Variants in LAMA2 observed in about 807,000 individuals in gnomAD.
LAMA2 encodes laminin subunit alpha-2.
A neutral mutation model predicts 364.8 loss-of-function variants in LAMA2; 269 were observed. The ratio of observed to expected loss-of-function variants is 0.74; its 90% CI spans 0.67 to 0.82. The LOEUF (loss-of-function observed/expected upper bound fraction) is 0.82. LAMA2 is among the 40% of genes least tolerant of loss of function. LAMA2 has a pLI of 0.00. For missense variants in LAMA2, 3,807 were observed against 3,873.2 expected, an observed-to-expected ratio of 0.98 and a Z score of 0.45; for synonymous variants, 1,379 against 1,370.6, an observed-to-expected ratio of 1.01 and a Z score of -0.14.
intron 34 of LAMA2, among the ~76,000 whole-genome samples, chr6:129,371,482 G>T (rs1778073589): frequency 6.6e-6 from 1 of 151,962 alleles, no homozygotes; most frequent in African/African-American, 2.4e-5. Flanking sequence ...AATACTTTTT[G>T]GGAGTCTCTC....
At position 129,313,053 on chromosome 6, in the gene LAMA2, A is replaced by G. The variant is rs1774332504; in HGVS notation, c.3367A>G (p.Lys1123Glu). The G allele has an allele frequency of 2.5e-6, 4 of 1,613,782 alleles. No homozygotes were observed. Among genetic ancestry groups the G allele is most frequent in the Non-Finnish European group, 3.4e-6 (4 of 1,179,658 alleles). Residue 1123 changes from lysine to glutamate, a missense_variant, in exon 23 of 65, where the codon AAA becomes GAA. Transcript: ENST00000421865. ...TGCCACAACCTGTGATTCAGAGACT[A>G]AAAAATGCTCCTGTAGTGATCAAAC... The part of the protein sequence containing the change: ...TDATTCDSET[K>E]KCSCSDQTGQ...
At chr6:129,158,257 G>A (rs1464533253) in intron 8 of LAMA2, 2 of 1,613,936 alleles carry the variant, frequency 1.2e-6, no homozygotes, top group African/African-American at 1.3e-5. Flanking sequence ...ATGAAACCAA[G>A]TATGTTTTCA....
chr6:128,975,318 G>A (rs1413426072), intron 1 of LAMA2, among the ~76,000 whole-genome samples: 1 of 152,148 alleles, frequency 6.6e-6, no homozygotes, highest in Non-Finnish European at 1.5e-5. Flanking sequence ...GATTTTTAAA[G>A]ATGAGCAGGA....
intron 9 of LAMA2, among the ~76,000 whole-genome samples, chr6:129,169,611 G>T (rs1223331939): frequency 1.3e-5 from 2 of 150,436 alleles, no homozygotes; most frequent in Admixed American, 6.6e-5. Flanking sequence ...AAGGATATTG[G>T]TCTAAAATTC....
chr6:129,323,141 AT>A (rs1460557906), intron 28 of LAMA2, among the ~76,000 whole-genome samples: 2 of 152,168 alleles, frequency 1.3e-5, no homozygotes, highest in Admixed American at 6.6e-5. Context: ...TATACCTCTT[AT>A]TTATAATTCA....
intron 15 of LAMA2, among the ~76,000 whole-genome samples, 166 bp downstream of exon 15, chr6:129,260,988 T>G (rs952033654): frequency 3.3e-5 from 5 of 152,138 alleles, no homozygotes; most frequent in African/African-American, 1.2e-4. Context: ...GGCTTTCAAT[T>G]AGAGTATTAA....
At chr6:129,103,907 C>T (rs9388685) in intron 4 of LAMA2, among the ~76,000 whole-genome samples, 151,941 of 152,282 alleles carry the variant, frequency 1, 75,801 homozygotes, top group Non-Finnish European at 1. Flanking sequence ...GTATATTTTT[C>T]ACTAAGCATT....
chr6:129,105,004 G>A (rs555627527), intron 4 of LAMA2, among the ~76,000 whole-genome samples: 44 of 152,262 alleles, frequency 2.9e-4, no homozygotes, highest in Non-Finnish European at 5.3e-4. Context: ...TGGGTATGTC[G>A]TTATCCAGGC....
At chr6:129,260,685 A>G in intron 14 of LAMA2, 26 bp from the exon 15 acceptor site, 1 of 1,365,704 alleles carries the variant, frequency 7.3e-7, no homozygotes, top group Non-Finnish European at 1.0e-6. Context: ...TTACTTATTC[A>G]CCATCTCTTT....
rs552807806 is a variant in LAMA2, at chr6:129,187,528, C to T, written c.1468-2677C>T. 6.6e-5 allele frequency among the ~76,000 whole-genome samples: 10 copies of T among 151,788 alleles called. 1 individual carries two copies. The South Asian group carries it at 1.9e-3, about 28-fold the overall frequency. On this transcript the variant is annotated intron_variant, in intron 10 of 64. Coordinates refer to ENST00000421865, the MANE Select transcript of LAMA2 (RefSeq NM_000426.4). Reference sequence around the variant, plus strand: ...GTTGATTTATCTCCTAATGAACAACCGCTAATGACTTACCAATTCCTAAGG... The same window carrying T: ...GTTGATTTATCTCCTAATGAACAACTGCTAATGACTTACCAATTCCTAAGG...
chr6:129,059,994 C>T, intron 3 of LAMA2, 98 bp downstream of exon 3: 1 of 728,446 alleles, frequency 1.4e-6, no homozygotes, highest in South Asian at 1.5e-5. Flanking sequence ...GATACTCTTT[C>T]TTATCACTCT....
At chr6:129,253,040 CT>C (rs535935136) in intron 14 of LAMA2, among the ~76,000 whole-genome samples, 1 of 152,128 alleles carries the variant, frequency 6.6e-6, no homozygotes, top group Non-Finnish European at 1.5e-5. Context: ...TCCCCGCCCC[CT>C]TTTTTTAAAA....
At chr6:129,130,643 T>C (rs1278815733) in intron 4 of LAMA2, among the ~76,000 whole-genome samples, 1 of 152,220 alleles carries the variant, frequency 6.6e-6, no homozygotes, top group Non-Finnish European at 1.5e-5. Context: ...TTGGGAGAAC[T>C]GCATTCTGGG....
At chr6:129,337,095 A>G (rs780012439) in intron 29 of LAMA2, among the ~76,000 whole-genome samples, 16 of 152,200 alleles carry the variant, frequency 1.1e-4, no homozygotes, top group Admixed American at 2.0e-4. Context: ...GGTAGATAGT[A>G]AGAATATGAA....
rs749915937 is a variant in LAMA2, at chr6:129,443,077, A to G, written c.6274+9A>G. Reference sequence around the variant, plus strand: ...ATTGCCTGCAGAAATCAGTACGTATATGTTTACTTATATACCTTTTAGTAA... The same window carrying G: ...ATTGCCTGCAGAAATCAGTACGTATGTGTTTACTTATATACCTTTTAGTAA... On this transcript the variant is annotated intron_variant, in intron 44 of 64. Coordinates refer to ENST00000421865, the MANE Select transcript of LAMA2 (RefSeq NM_000426.4). 1.6e-5 allele frequency: 26 copies of G among 1,590,886 alleles called. No homozygotes were observed. Among genetic ancestry groups the G allele is most frequent in the Non-Finnish European group, 2.1e-5 (24 of 1,164,236 alleles).
intron 1 of LAMA2, among the ~76,000 whole-genome samples, chr6:128,951,710 T>C (rs564583486): frequency 8.5e-5 from 13 of 152,326 alleles, no homozygotes; most frequent in African/African-American, 3.1e-4. Flanking sequence ...AAGCTTCTTA[T>C]TGTCCCCAAA....
rs753856145 is a variant in LAMA2, at chr6:129,328,512, G to T, written c.4311+100G>T. 2.6e-4 allele frequency: 403 copies of T among 1,558,996 alleles called. 1 individual carries two copies. The highest frequency in any genetic ancestry group is 3.2e-4 in the Non-Finnish European group (368 of 1,134,618). ...GAGGCCAGCTAAACTGTAAGGGAAT[G>T]CAACTGTGTGTGTGAAATAAAATAT... On this transcript the variant is annotated intron_variant, in intron 29 of 64. Transcript: ENST00000421865.
At chr6:129,422,461 C>A (rs1019148560) in intron 40 of LAMA2, among the ~76,000 whole-genome samples, 1 of 151,926 alleles carries the variant, frequency 6.6e-6, no homozygotes, top group Non-Finnish European at 1.5e-5. Flanking sequence ...AATCATCCAG[C>A]CAGACTAATC....
chr6:129,172,482 T>C (rs908452419), intron 9 of LAMA2, among the ~76,000 whole-genome samples: 2 of 152,234 alleles, frequency 1.3e-5, no homozygotes, highest in African/African-American at 2.4e-5. Context: ...CCAGTTACGC[T>C]GCTCAGGGGT....
Sources: gnomAD v4.1 joint callset for allele counts (sites outside exome capture counted in the v4.1 genomes callset) on GRCh38, gnomAD v4.1.1 for gene constraint, MANE v1.5 for transcripts, NCBI Gene and HGNC (gene_info 2026-07-23, HGNC 2026-07-21) for gene names.